Variants in PDS5B observed in about 807,000 individuals in gnomAD.
PDS5B encodes sister chromatid cohesion protein PDS5 homolog B.
A neutral mutation model predicts 184.1 loss-of-function variants in PDS5B; 51 were observed. That is an observed-to-expected ratio of 0.28 (90% CI 0.22 to 0.35). The LOEUF (loss-of-function observed/expected upper bound fraction) is 0.35. Ranked by LOEUF, PDS5B falls within the 10% of genes least tolerant of loss-of-function variation. PDS5B has a pLI of 1.00. For missense variants in PDS5B, 1,180 were observed against 1,723.3 expected (o/e 0.68, Z 5.58); for synonymous variants, 566 against 569.2 (o/e 0.99, Z 0.08).
intron 1 of PDS5B, among the ~76,000 whole-genome samples, chr13:32,626,675 C>T (rs1285894324): frequency 3.9e-5 from 6 of 151,968 alleles, no homozygotes; most frequent in Non-Finnish European, 8.8e-5. Context: ...TACAATTGTG[C>T]AACTTACATC....
rs117007789 is a variant in PDS5B at position 32,703,809 on chromosome 13, A to G, written c.1856+2371A>G. On this transcript the variant is annotated intron_variant, in intron 17 of 34. Coordinates refer to ENST00000315596, the MANE Select transcript of PDS5B (RefSeq NM_015032.4). Reference sequence around the variant, plus strand: ...GTGAATGAAGAGATGTACCCTTTAAAAAAAATTTTTGTGTTTCAAATAGAA... The same window carrying G: ...GTGAATGAAGAGATGTACCCTTTAAGAAAAATTTTTGTGTTTCAAATAGAA... Among the ~76,000 whole-genome samples, 724 of 152,338 alleles carry G rather than the reference A, an allele frequency of 4.8e-3. 11 individuals carry two copies. The East Asian group carries it at 0.064, about 13-fold the overall frequency.
At chr13:32,593,181 G>A (rs1176931272) in intron 1 of PDS5B, among the ~76,000 whole-genome samples, 1 of 152,198 alleles carries the variant, frequency 6.6e-6, no homozygotes, top group Non-Finnish European at 1.5e-5. Context: ...GTTGGCTAAA[G>A]GCTACAAAAT....
chr13:32,631,436 C>T (rs976067451), intron 1 of PDS5B, among the ~76,000 whole-genome samples: 3 of 152,158 alleles, frequency 2.0e-5, no homozygotes, highest in African/African-American at 7.2e-5. Flanking sequence ...CATACATTGA[C>T]ATTTGTTGTC....
At chr13:32,663,083 A>G (rs540318190) in intron 6 of PDS5B, among the ~76,000 whole-genome samples, 20 of 152,256 alleles carry the variant, frequency 1.3e-4, no homozygotes, top group African/African-American at 4.6e-4. Context: ...CTCTGCCTAT[A>G]AAACAAAACT....
intron 31 of PDS5B, among the ~76,000 whole-genome samples, chr13:32,768,822 C>T (rs1954675860): frequency 8.5e-6 from 1 of 118,196 alleles, no homozygotes; most frequent in Admixed American, 9.1e-5. Context: ...AAAAAAAAAG[C>T]TGGGTGCAGT....
chr13:32,764,272 T>C (rs1041022202), intron 30 of PDS5B, among the ~76,000 whole-genome samples: 2 of 152,144 alleles, frequency 1.3e-5, no homozygotes, highest in African/African-American at 4.8e-5. Context: ...TAGAAAAATA[T>C]TAGATTTAAA....
rs1954723541 is a variant in PDS5B at position 32,770,033 on chromosome 13, T to A, written c.3625-88T>A. The A allele has an allele frequency of 2.7e-6, 3 of 1,113,940 alleles. No homozygotes were observed. In the African/African-American group the frequency reaches 4.7e-5, roughly 18 times the overall value. 69.0% of individuals were successfully genotyped at this position (1,113,940 alleles called of 1,614,324 possible). A position where few individuals can be genotyped will look rare whatever the true frequency, so the allele number is the denominator to read the frequency against. On this transcript the variant is annotated intron_variant, in intron 31 of 34. Transcript: ENST00000315596. Reference sequence around the variant, plus strand: ...TTTTAGGTACATATCTAGGACAACATTAGATAACAGATTTTTTTGTTTCAT... The same window carrying A: ...TTTTAGGTACATATCTAGGACAACAATAGATAACAGATTTTTTTGTTTCAT...
intron 24 of PDS5B, among the ~76,000 whole-genome samples, chr13:32,750,559 C>T (rs534072214): frequency 6.6e-6 from 1 of 151,990 alleles, no homozygotes; most frequent in Non-Finnish European, 1.5e-5. Flanking sequence ...CTCCTCCCCC[C>T]AAAATGGAGT....
intron 21 of PDS5B, among the ~76,000 whole-genome samples, chr13:32,737,548 T>C (rs1280584225): frequency 1.3e-5 from 2 of 152,210 alleles, no homozygotes; most frequent in Non-Finnish European, 2.9e-5. Flanking sequence ...TTTGAAACTT[T>C]GCCCTGCAAA....
intron 26 of PDS5B, among the ~76,000 whole-genome samples, chr13:32,757,788 G>C (rs1954237729): frequency 6.6e-6 from 1 of 152,066 alleles, no homozygotes; most frequent in African/African-American, 2.4e-5. Context: ...TCATAGCTGA[G>C]GGTTAAGATA....
chr13:32,675,389 TG>T (rs2140770738), intron 8 of PDS5B, among the ~76,000 whole-genome samples: 1 of 152,006 alleles, frequency 6.6e-6, no homozygotes, highest in South Asian at 2.1e-4. Flanking sequence ...AGTGTCTTAC[TG>T]GGAGACTGTA....
chr13:32,724,068 C>G (rs1952811895), intron 19 of PDS5B, among the ~76,000 whole-genome samples: 1 of 152,212 alleles, frequency 6.6e-6, no homozygotes, highest in African/African-American at 2.4e-5. Flanking sequence ...ATCCCAAACA[C>G]AGTTAACACT....
intron 22 of PDS5B, among the ~76,000 whole-genome samples, chr13:32,741,857 T>C (rs1005876206): frequency 2.0e-5 from 3 of 152,104 alleles, no homozygotes; most frequent in African/African-American, 7.2e-5. Context: ...TGAATGATGC[T>C]TGATACTTTG....
chr13:32,636,020 C>T (rs1339852880), intron 1 of PDS5B, among the ~76,000 whole-genome samples: 6 of 152,072 alleles, frequency 3.9e-5, no homozygotes, highest in East Asian at 1.9e-4. Flanking sequence ...CTGCCTCCCT[C>T]GGCCTCCCAA....
rs781091794 is a variant in PDS5B, at chr13:32,687,270, A to G, written c.1340A>G (p.Asn447Ser). 6.3e-7 allele frequency: 1 copy of G among 1,583,728 alleles called. No individual in the cohort carries two copies. The highest frequency in any genetic ancestry group is 1.9e-5 in the Admixed American group (1 of 51,376). The change falls in exon 12 of 35, where the codon AAT (asparagine) becomes AGT (serine). Residue 447 changes from asparagine (N) to serine (S), a missense_variant. Physicochemically the swap from Asn to Ser is conservative, Grantham distance 46. Around this residue, in one of 11 missense-constraint regions of PDS5B, gnomAD observed 475 missense variants for 691.5 expected, o/e 0.69. Transcript: ENST00000315596. ...AAATTGCTACATATATATTATCAAA[A>G]TAGTATTGATGATCGGTAAGTTAAG... ...KDKLLHIYYQ[N>S]SIDDRLLVER...
At chr13:32,769,054 C>T (rs1474150044) in intron 31 of PDS5B, among the ~76,000 whole-genome samples, 2 of 151,100 alleles carry the variant, frequency 1.3e-5, no homozygotes, top group Non-Finnish European at 2.9e-5. Flanking sequence ...ACCTGGGAGG[C>T]GGAGCTTGCA....
chr13:32,688,533 A>G lies in PDS5B; in HGVS notation c.1433A>G (p.Tyr478Cys). ...ACTACAGAACGGATGAAATGCTTAT[A>G]TTACTTGTATGCCACACTGGATTTA... ...LETTERMKCLYYLYATLDLNA... is the reference protein window; with the variant it reads ...LETTERMKCLCYLYATLDLNA... The change falls in exon 13 of 35, where the codon TAT becomes TGT. Residue 478 changes from tyrosine (Y) to cysteine (C), a missense_variant. Physicochemically the swap from Tyr to Cys is radical, Grantham distance 194 (BLOSUM62 -2). This residue lies in a region of PDS5B where 475 missense variants were observed against 691.5 expected (regional missense o/e 0.69). Transcript: ENST00000315596. The G allele has an allele frequency of 6.2e-7, 1 of 1,601,762 alleles. No homozygotes were observed. The highest frequency in any genetic ancestry group is 8.6e-7 in the Non-Finnish European group (1 of 1,168,948).
chr13:32,663,948 C>G (rs1950718409), intron 6 of PDS5B, among the ~76,000 whole-genome samples: 1 of 152,168 alleles, frequency 6.6e-6, no homozygotes, highest in South Asian at 2.1e-4. Context: ...TTTGTTTCCA[C>G]TTATAAATGA....
In PDS5B at chr13:32,759,647, A is replaced by G. The variant is rs1293937286; in HGVS notation, c.3329A>G (p.Asn1110Ser). 6.4e-7 allele frequency: 1 copy of G among 1,564,924 alleles called. No individual in the cohort carries two copies. Among genetic ancestry groups the G allele is most frequent in the Non-Finnish European group, 8.7e-7 (1 of 1,144,718 alleles). The change falls in exon 29 of 35, where the codon AAT becomes AGT. Residue 1110 changes from asparagine to serine, a missense_variant. Transcript: ENST00000315596. ...TTGTAGAATTTCAGTAACACCAAAAATTATCTGCCTCCTGAAATGAAATCA... is the reference window on the plus strand; with the variant it reads ...TTGTAGAATTTCAGTAACACCAAAAGTTATCTGCCTCCTGAAATGAAATCA... ...QPDKNFSNTK[N>S]YLPPEMKSFF...
Sources: allele counts gnomAD v4.1 joint callset (sites outside exome capture counted in the v4.1 genomes callset), GRCh38; gene constraint gnomAD v4.1.1; regional missense constraint gnomAD v4.1.1; transcripts MANE v1.5; gene names NCBI Gene and HGNC (gene_info 2026-07-23, HGNC 2026-07-21).